MPHOSPH8: variants seen among roughly 807,000 people sequenced by gnomAD.
MPHOSPH8 encodes the protein M-phase phosphoprotein 8.
Under a neutral mutation model 87.3 loss-of-function variants are expected in MPHOSPH8, and 45 were observed. The ratio of observed to expected loss-of-function variants is 0.52; its 90% CI spans 0.41 to 0.66. The LOEUF (loss-of-function observed/expected upper bound fraction) is 0.66, where lower values mean the gene tolerates loss of function less well. Ranked by LOEUF, MPHOSPH8 falls within the 30% of genes least tolerant of loss-of-function variation. MPHOSPH8 has a pLI of 0.00. For missense variants in MPHOSPH8, 883 were observed against 1,020.2 expected (o/e 0.87, Z 1.83); for synonymous variants, 366 against 376.9 (o/e 0.97, Z 0.33).
intron 1 of MPHOSPH8, among the ~76,000 whole-genome samples, chr13:19,639,099 AT>A (rs1185984054): frequency 6.8e-6 from 1 of 147,696 alleles, no homozygotes; most frequent in Non-Finnish European, 1.5e-5. Context: ...AAAAAAAAAA[AT>A]TTACCATAGG....
chr13:19,646,437 T>A lies in MPHOSPH8; in HGVS notation c.370-6T>A. ...TGAATATTTTAATCTGTTTTGTATT[T>A]TATAGAGACTATCCTTAAATAACGA... On this transcript the variant is annotated splice_polypyrimidine_tract_variant and splice_region_variant and intron_variant, in intron 2 of 13. Coordinates refer to ENST00000361479, the MANE Select transcript of MPHOSPH8 (RefSeq NM_017520.4). 6.8e-7 allele frequency: 1 copy of A among 1,462,382 alleles called. No homozygotes were observed. The highest frequency in any genetic ancestry group is 9.0e-7 in the Non-Finnish European group (1 of 1,109,788). The allele number at this position is 1,462,382 out of a possible 1,614,324, so 90.6% of individuals were successfully genotyped here.
chr13:19,656,407 A>G (rs1225598793), intron 5 of MPHOSPH8, among the ~76,000 whole-genome samples: 2 of 152,106 alleles, frequency 1.3e-5, no homozygotes, highest in Admixed American at 6.6e-5. Flanking sequence ...ACAAAAGCCA[A>G]TTTTCTTTTT....
chr13:19,663,825 T>G (rs1168620366), intron 9 of MPHOSPH8, among the ~76,000 whole-genome samples: 2 of 152,096 alleles, frequency 1.3e-5, no homozygotes, highest in Non-Finnish European at 2.9e-5. Context: ...TGGCTCCATG[T>G]AAGCCATTGA....
In MPHOSPH8 at chr13:19,659,228, G is replaced by A; in HGVS notation, c.1730G>A (p.Gly577Glu). 1 of 1,612,812 alleles carries A rather than the reference G, an allele frequency of 6.2e-7. No homozygotes were observed. Among genetic ancestry groups the A allele is most frequent in the Non-Finnish European group, 8.5e-7 (1 of 1,179,532 alleles). ...GTGTTAAGGGATGCTGTGAAAAATG[G>A]GGATTATATTACTGTAAAAGTTGCA... The part of the protein sequence containing the change: ...SNVLRDAVKN[G>E]DYITVKVALN... The change falls in exon 7 of 14, where the codon GGG becomes GAG. Residue 577 changes from glycine to glutamate, a missense_variant. Gly to Glu is a moderately conservative substitution (Grantham distance 98). Coordinates refer to ENST00000361479, the MANE Select transcript of MPHOSPH8 (RefSeq NM_017520.4).
chr13:19,656,302 TGTC>T (rs1323975652), intron 5 of MPHOSPH8, among the ~76,000 whole-genome samples: 16 of 87,654 alleles, frequency 1.8e-4, no homozygotes, highest in East Asian at 1.3e-3. Flanking sequence ...AAAAAAAAAC[TGTC>T]GTCATCAGAT....
Position 19,673,001 on chromosome 13 carries a change from A to G in MPHOSPH8, c.*1126A>G. ...AGCCAGGGAGGTCAAGGCTGCAGTG[A>G]GCCGTGAAAGGCCACTGCACTCCAG... On this transcript the variant is annotated 3_prime_UTR_variant, in exon 14 of 14. Transcript: ENST00000361479. The G allele has an allele frequency of 2.3e-6, 1 of 427,826 alleles. No individual in the cohort carries two copies. Among genetic ancestry groups the G allele is most frequent in the Non-Finnish European group, 4.6e-6 (1 of 219,036 alleles). 26.5% of individuals were successfully genotyped at this position (427,826 alleles called of 1,614,324 possible).
At chr13:19,671,354 C>A in intron 13 of MPHOSPH8, 65 bp downstream of exon 13, 2 of 1,448,564 alleles carry the variant, frequency 1.4e-6, no homozygotes, top group South Asian at 1.2e-5. Flanking sequence ...ACTTTATCAA[C>A]ATTAGAAAAA....
chr13:19,638,175 T>A (rs1874102364), intron 1 of MPHOSPH8, among the ~76,000 whole-genome samples: 1 of 152,112 alleles, frequency 6.6e-6, no homozygotes, highest in South Asian at 2.1e-4. Context: ...GCATATATTC[T>A]CAATGGATAA....
chr13:19,647,152 C>T lies in MPHOSPH8; in HGVS notation c.1079C>T (p.Pro360Leu). 6.2e-7 allele frequency: 1 copy of T among 1,613,868 alleles called. No homozygotes were observed. Among genetic ancestry groups the T allele is most frequent in the Non-Finnish European group, 8.5e-7 (1 of 1,179,986 alleles). ...GCTTTCTTAGAGAAGAAAACTGTGCCTAAAAAGCAGAGGAATCAAGACAGA... is the reference window on the plus strand; with the variant it reads ...GCTTTCTTAGAGAAGAAAACTGTGCTTAAAAAGCAGAGGAATCAAGACAGA... The part of the protein sequence containing the change: ...KNAFLEKKTV[P>L]KKQRNQDRSK... Residue 360 changes from proline to leucine, a missense_variant, in exon 3 of 14, where the codon CCT becomes CTT. Physicochemically the swap from Pro to Leu is moderately conservative, Grantham distance 98. Coordinates refer to ENST00000361479, the MANE Select transcript of MPHOSPH8 (RefSeq NM_017520.4).
rs1445212206 is a variant in MPHOSPH8, at chr13:19,666,417, T to C, written c.2020-8T>C. ...TAAGTAATTGTTACTCCTTTTTACC[T>C]GACGTAGGCCTGTAAAAGAGGAAAT... is the stretch of plus-strand genomic sequence containing the variant. On this transcript the variant is annotated splice_region_variant and splice_polypyrimidine_tract_variant and intron_variant, in intron 9 of 13. Transcript: ENST00000361479. 1.9e-6 allele frequency: 3 copies of C among 1,594,410 alleles called. No individual in the cohort carries two copies. The highest frequency in any genetic ancestry group is 1.1e-5 in the South Asian group (1 of 90,062).
rs535582030 is a variant in MPHOSPH8 at position 19,645,128 on chromosome 13, C to T, written c.370-1315C>T. Among the ~76,000 whole-genome samples the T allele has an allele frequency of 3.9e-5, 6 of 152,240 alleles. No individual in the cohort carries two copies. The South Asian group carries it at 1.2e-3, about 32-fold the overall frequency. The stretch of plus-strand genomic sequence containing the variant: ...GCAGGGCCTGGGAGGGGTCAGCCAC[C>T]TCTCCCCTTCTCCGCCTTGCCCAGT... On this transcript the variant is annotated intron_variant, in intron 2 of 13. Transcript: ENST00000361479.
At chr13:19,655,823 G>A (rs1460468538) in intron 5 of MPHOSPH8, among the ~76,000 whole-genome samples, 1 of 152,152 alleles carries the variant, frequency 6.6e-6, no homozygotes, top group Admixed American at 6.5e-5. Flanking sequence ...ACGGGGAGGG[G>A]AAATAGCTGT....
Position 19,633,660 on chromosome 13 carries a change from A to C in MPHOSPH8, c.-89A>C. 1 of 1,397,446 alleles carries C rather than the reference A, an allele frequency of 7.2e-7. No individual in the cohort carries two copies. The highest frequency in any genetic ancestry group is 1.4e-5 in the African/African-American group (1 of 69,922). 86.6% of individuals were successfully genotyped at this position (1,397,446 alleles called of 1,614,324 possible). A position where few individuals can be genotyped will look rare whatever the true frequency, so the allele number is the denominator to read the frequency against. On this transcript the variant is annotated 5_prime_UTR_variant, in exon 1 of 14. It removes an upstream start codon present in the reference 5' UTR. Transcript: ENST00000361479. ...TTGGTCGGCTTCCGTTACGCCGCTG[A>C]TGTGGAGTAGGGCCGAGCGCGGAAC... is the stretch of plus-strand genomic sequence containing the variant.
rs773526461 is a variant in MPHOSPH8 at position 19,671,809 on chromosome 13, C to CT, written c.2542-25_2542-24insT. 2.5e-6 allele frequency: 4 copies of CT among 1,612,504 alleles called. No individual in the cohort carries two copies. In the East Asian group the frequency reaches 8.9e-5, roughly 36 times the overall value. On this transcript the variant is annotated intron_variant, in intron 13 of 13. Coordinates refer to ENST00000361479, the MANE Select transcript of MPHOSPH8 (RefSeq NM_017520.4). ...AAGGGGAAATCTGGATCTGTACTGA[C>CT]ACCTGCGTTCTTTTCTTTCAACAGG...
Position 19,634,021 on chromosome 13 carries a change from C to T in MPHOSPH8, c.213+60C>T, listed in dbSNP as rs576619665. ...GGAGCTCCGGGCCTGGCGGGGAGGA[C>T]GCGAGCTGGAAACAGCACGGGCAGA... On this transcript the variant is annotated intron_variant, in intron 1 of 13. Coordinates refer to ENST00000361479, the MANE Select transcript of MPHOSPH8 (RefSeq NM_017520.4). The T allele has an allele frequency of 2.1e-5, 33 of 1,544,990 alleles. No individual in the cohort carries two copies. The East Asian group carries it at 4.9e-4, about 23-fold the overall frequency.
chr13:19,648,600 A>G (rs1874690689), intron 4 of MPHOSPH8, 79 bp downstream of exon 4: 1 of 591,106 alleles, frequency 1.7e-6, no homozygotes. Context: ...TTTATTATAT[A>G]AAAATTTATA....
intron 2 of MPHOSPH8, among the ~76,000 whole-genome samples, chr13:19,646,208 A>C (rs1874554271): frequency 6.6e-6 from 1 of 152,160 alleles, no homozygotes; most frequent in Non-Finnish European, 1.5e-5. Flanking sequence ...GCTCAGCAGC[A>C]CTGAGTTTCT....
intron 2 of MPHOSPH8, among the ~76,000 whole-genome samples, chr13:19,645,797 C>A (rs963040005): frequency 2.0e-5 from 3 of 150,544 alleles, no homozygotes; most frequent in Non-Finnish European, 3.0e-5. Context: ...ACCCCCAAGT[C>A]ATTTAGGATA....
intron 12 of MPHOSPH8, chr13:19,670,957 C>A: frequency 9.7e-7 from 1 of 1,029,812 alleles, no homozygotes; most frequent in Non-Finnish European, 1.3e-6. Flanking sequence ...CTACCTGGGA[C>A]TAAAAATGCA....
Sources: allele counts gnomAD v4.1 joint callset (sites outside exome capture counted in the v4.1 genomes callset), GRCh38; gene constraint gnomAD v4.1.1; transcripts MANE v1.5; gene names NCBI Gene and HGNC (gene_info 2026-07-23, HGNC 2026-07-21).